Variants in SH3TC1 observed in about 807,000 individuals in gnomAD.
SH3TC1 encodes SH3 domain and tetratricopeptide repeat-containing protein 1.
SH3TC1 carries 135 observed loss-of-function variants against 117.3 expected under a neutral mutation model. The observed-to-expected ratio is 1.15, with a 90% CI of 1.00 to 1.33. The LOEUF is 1.33. Among genes scored for constraint, SH3TC1 ranks in the 40% most tolerant of loss-of-function variants. The pLI, the probability that SH3TC1 is intolerant of heterozygous loss-of-function variation, is 0.00. For synonymous variants in SH3TC1, 898 were observed against 816.9 expected (o/e 1.10, Z -1.69); for missense variants, 2,092 against 1,794.3 (o/e 1.17, Z -3.00).
chr4:8,219,114 A>C (rs1719638987), intron 8 of SH3TC1, among the ~76,000 whole-genome samples: 2 of 152,090 alleles, frequency 1.3e-5, no homozygotes, highest in South Asian at 2.1e-4. Flanking sequence ...AACATCTCTG[A>C]GCCTCCATTT....
chr4:8,219,381 C>T lies in SH3TC1; in HGVS notation c.963C>T (p.Pro321=), dbSNP rs41266527. ...SALADFQGSG[P]EEMTFRGGDL... is the part of the protein sequence containing the mutation. ...TGGCAGACTTCCAGGGCTCGGGGCCCGAAGAGATGACCTTCCGAGGTGGCG... is the reference window on the plus strand; with the variant it reads ...TGGCAGACTTCCAGGGCTCGGGGCCTGAAGAGATGACCTTCCGAGGTGGCG... The change falls in exon 9 of 18, where the codon CCC becomes CCT. Residue 321 remains proline, a synonymous_variant. Coordinates refer to ENST00000245105, the MANE Select transcript of SH3TC1 (RefSeq NM_018986.5). The T allele has an allele frequency of 7.8e-3, 12,530 of 1,608,622 alleles. 79 individuals carry two copies. The highest frequency in any genetic ancestry group is 0.03 in the African/African-American group (2,252 of 74,934).
intron 2 of SH3TC1, among the ~76,000 whole-genome samples, chr4:8,208,996 C>T (rs1718430461): frequency 6.6e-6 from 1 of 152,202 alleles, no homozygotes; most frequent in African/African-American, 2.4e-5. Flanking sequence ...AGATGAAGTG[C>T]CCAGGCCAAG....
rs1720347179 is a variant in SH3TC1, at chr4:8,225,207, C to G, written c.1276C>G (p.Gln426Glu). ...SVEEAETEQP[Q>E]EKEIPPPCLS... is the part of the protein sequence containing the mutation. ...AGAGGAAGCTGAGACCGAGCAGCCG[C>G]AGGAAAAAGGTGGGTTTTGCCAGTG... The change falls in exon 11 of 18, where the codon CAG becomes GAG. Residue 426 changes from glutamine to glutamate, a missense_variant. By Grantham distance (29) the Gln-to-Glu change is conservative. Transcript: ENST00000245105. The surrounding 1 kb of genome is among the most constrained non-coding windows in gnomAD (Gnocchi z 5.5). 6.2e-7 allele frequency: 1 copy of G among 1,613,828 alleles called. No individual in the cohort carries two copies. The highest frequency in any genetic ancestry group is 8.5e-7 in the Non-Finnish European group (1 of 1,179,914).
In SH3TC1 at chr4:8,226,988, C is replaced by T. The variant is rs374375959; in HGVS notation, c.1294C>T (p.Pro432Ser). ...TEQPQEKEIP[P>S]PCLSLEPQET... ...GTTTTTGTGACTTGCAGAAATACCTCCACCTTGCCTGAGCCTGGAGCCACA... is the reference window on the plus strand; with the variant it reads ...GTTTTTGTGACTTGCAGAAATACCTTCACCTTGCCTGAGCCTGGAGCCACA... The change falls in exon 12 of 18, where the codon CCA becomes TCA. Residue 432 changes from proline to serine, a missense_variant. By Grantham distance (74) the Pro-to-Ser change is moderately conservative. Transcript: ENST00000245105. The T allele has an allele frequency of 2.7e-5, 41 of 1,540,796 alleles. No individual in the cohort carries two copies. The highest frequency in any genetic ancestry group is 3.5e-4 in the Middle Eastern group (2 of 5,720).
chr4:8,237,493 C>T lies in SH3TC1; in HGVS notation c.3576C>T (p.Arg1192=), dbSNP rs754249298. ...SITLGDRLNE[R]VAYHRLAALQ... ...CCCCAGGGGACCGGCTGAACGAGCG[C>T]GTGGCCTACCACCGGCTGGCCGCCC... Residue 1192 remains arginine, a synonymous_variant, in exon 17 of 18, where the codon CGC becomes CGT. Coordinates refer to ENST00000245105, the MANE Select transcript of SH3TC1 (RefSeq NM_018986.5). 9 of 1,595,094 alleles carry T rather than the reference C, an allele frequency of 5.6e-6. No homozygotes were observed. The highest frequency in any genetic ancestry group is 4.0e-5 in the African/African-American group (3 of 74,156).
In SH3TC1 at chr4:8,232,186, G is replaced by A. The variant is rs564398320; in HGVS notation, c.3131+30G>A. 1.1e-4 allele frequency: 48 copies of A among 424,608 alleles called. 1 individual carries two copies. The highest frequency in any genetic ancestry group is 5.8e-4 in the South Asian group (29 of 50,338). 26.3% of individuals were successfully genotyped at this position (424,608 alleles called of 1,614,324 possible). ...GGGCTGGCTCTGTGGTGGTGGGGGCGGGGGGAGGGGGCAAAGGGGGCGGCG... is the reference window on the plus strand; with the variant it reads ...GGGCTGGCTCTGTGGTGGTGGGGGCAGGGGGAGGGGGCAAAGGGGGCGGCG... On this transcript the variant is annotated intron_variant, in intron 13 of 17. Coordinates refer to ENST00000245105, the MANE Select transcript of SH3TC1 (RefSeq NM_018986.5).
intron 9 of SH3TC1, among the ~76,000 whole-genome samples, chr4:8,222,442 C>T (rs1288450642): frequency 3.5e-5 from 5 of 142,378 alleles, no homozygotes; most frequent in African/African-American, 7.9e-5. Context: ...GGTGTGAACT[C>T]GGCTCACTGC....
At position 8,190,029 on chromosome 4, in the gene SH3TC1, G is replaced by A. The variant is rs763060491; in HGVS notation, c.-57+7819G>A. 5.3e-5 allele frequency among the ~76,000 whole-genome samples: 8 copies of A among 152,188 alleles called. No individual in the cohort carries two copies. Among genetic ancestry groups the A allele is most frequent in the Middle Eastern group, 3.2e-3 (1 of 316 alleles). On this transcript the variant is annotated intron_variant, in intron 1 of 16. Transcript: ENST00000508641. The surrounding 1 kb of genome is among the most constrained non-coding windows in gnomAD (Gnocchi z 4.7). Reference sequence around the variant, plus strand: ...GTGCCTGGGTAGTTTTGGGGAGCGCGGCGTGGGTGCGTTGATGCGAGGCCA... The same window carrying A: ...GTGCCTGGGTAGTTTTGGGGAGCGCAGCGTGGGTGCGTTGATGCGAGGCCA...
At position 8,183,247 on chromosome 4, in the gene SH3TC1, C is replaced by G. The variant is rs1358597882; in HGVS notation, c.-57+1037C>G. 1.3e-5 allele frequency among the ~76,000 whole-genome samples: 2 copies of G among 152,218 alleles called. No homozygotes were observed. Among genetic ancestry groups the G allele is most frequent in the Non-Finnish European group, 2.9e-5 (2 of 68,028 alleles). On this transcript the variant is annotated intron_variant, in intron 1 of 16. Transcript: ENST00000508641. The surrounding 1 kb of genome is among the most constrained non-coding windows in gnomAD (Gnocchi z 5.4). ...AGGAGCCCGTCCTCATCCTCCCCCTCGTTTACAGAGGAAGGCCGGCGCTCA... is the reference window on the plus strand; with the variant it reads ...AGGAGCCCGTCCTCATCCTCCCCCTGGTTTACAGAGGAAGGCCGGCGCTCA...
At chr4:8,202,031 G>C (rs1311529566) in intron 1 of SH3TC1, among the ~76,000 whole-genome samples, 1 of 152,204 alleles carries the variant, frequency 6.6e-6, no homozygotes, top group African/African-American at 2.4e-5. Context: ...CAGGGAGCTC[G>C]CATGCCCAGG....
rs186048495 is a variant in SH3TC1 at position 8,206,355 on chromosome 4, C to G, written c.172+989C>G. ...TGGGGAGCCCACCTGGCCATGGAATCGCGTTCCCTCCAGGGCAGGCCTCAT... is the reference window on the plus strand; with the variant it reads ...TGGGGAGCCCACCTGGCCATGGAATGGCGTTCCCTCCAGGGCAGGCCTCAT... On this transcript the variant is annotated intron_variant, in intron 2 of 17. Transcript: ENST00000245105. This position sits in a 1 kb window ranked among gnomAD's most constrained non-coding sequence, Gnocchi z 5.5. 2.0e-5 allele frequency among the ~76,000 whole-genome samples: 3 copies of G among 152,048 alleles called. No individual in the cohort carries two copies. The South Asian group carries it at 6.2e-4, about 32-fold the overall frequency.
Position 8,206,943 on chromosome 4 carries a change from T to C in SH3TC1, c.172+1577T>C, listed in dbSNP as rs1718260309. 6.6e-6 allele frequency among the ~76,000 whole-genome samples: 1 copy of C among 151,978 alleles called. No individual in the cohort carries two copies. The highest frequency in any genetic ancestry group is 2.4e-5 in the African/African-American group (1 of 41,380). On this transcript the variant is annotated intron_variant, in intron 2 of 17. Coordinates refer to ENST00000245105, the MANE Select transcript of SH3TC1 (RefSeq NM_018986.5). This position sits in a 1 kb window ranked among gnomAD's most constrained non-coding sequence, Gnocchi z 5.5. ...CATCCTAAAAGGTGTCCATATTTCCTAAAACCAGTACATTCTCTTATATAA... is the reference window on the plus strand; with the variant it reads ...CATCCTAAAAGGTGTCCATATTTCCCAAAACCAGTACATTCTCTTATATAA...
intron 13 of SH3TC1, chr4:8,232,701 C>G: frequency 7.7e-7 from 1 of 1,290,328 alleles, no homozygotes. Flanking sequence ...GCCACCCCAC[C>G]CACAGGGCCC....
chr4:8,239,703 C>T (rs1722162569), intron 17 of SH3TC1, among the ~76,000 whole-genome samples: 1 of 152,226 alleles, frequency 6.6e-6, no homozygotes, highest in South Asian at 2.1e-4. Context: ...CTTCAGGAAG[C>T]CCTTGCCTCC....
rs755487015 is a variant in SH3TC1 at position 8,205,637 on chromosome 4, G to A, written c.172+271G>A. 4 of 766,788 alleles carry A rather than the reference G, an allele frequency of 5.2e-6. No homozygotes were observed. The highest frequency in any genetic ancestry group is 1.3e-5 in the South Asian group (1 of 74,548). 47.5% of individuals were successfully genotyped at this position (766,788 alleles called of 1,614,324 possible). On this transcript the variant is annotated intron_variant, in intron 2 of 17. Coordinates refer to ENST00000245105, the MANE Select transcript of SH3TC1 (RefSeq NM_018986.5). The surrounding 1 kb of genome is among the most constrained non-coding windows in gnomAD (Gnocchi z 5.4). ...CAAAACTGGCAAAGAACGAGGCAGG[G>A]GCCTTTGAACCCCCATGTTCAGAGA...
At chr4:8,232,935 C>T (rs568608713) in intron 13 of SH3TC1, 48 of 1,193,420 alleles carry the variant, frequency 4.0e-5, no homozygotes, top group Non-Finnish European at 5.0e-5. Context: ...TAGGGCCCGC[C>T]CCAGGCCCGT....
chr4:8,224,746 T>G, intron 10 of SH3TC1: 1 of 177,052 alleles, frequency 5.6e-6, no homozygotes, highest in South Asian at 1.4e-4. Flanking sequence ...GCTGTCGGAC[T>G]CAGAGCTGCT....
chr4:8,240,874 G>A lies in SH3TC1; in HGVS notation c.3930G>A (p.Glu1310=). 1 of 1,613,600 alleles carries A rather than the reference G, an allele frequency of 6.2e-7. No homozygotes were observed. Among genetic ancestry groups the A allele is most frequent in the South Asian group, 1.1e-5 (1 of 91,090 alleles). ...AGAAGGCCAGGACCTTCGCCACAGA[G>A]CTCAACGTCCGCAGGGTCAACCTGC... ...FYQKARTFAT[E]LNVRRVNLPP... The change falls in exon 18 of 18, where the codon GAG becomes GAA. Residue 1310 remains glutamate (E), a synonymous_variant. Coordinates refer to ENST00000245105, the MANE Select transcript of SH3TC1 (RefSeq NM_018986.5).
chr4:8,235,294 C>T (rs1317383963), intron 14 of SH3TC1, 139 bp from the exon 15 acceptor site: 1 of 1,083,444 alleles, frequency 9.2e-7, no homozygotes, highest in Non-Finnish European at 1.2e-6. Flanking sequence ...GGGGGCGGCC[C>T]TAATGCACAG....
Sources: gnomAD v4.1 joint callset for allele counts (sites outside exome capture counted in the v4.1 genomes callset) on GRCh38, gnomAD v4.1.1 for gene constraint, Gnocchi (gnomAD v3.1) non-coding constraint, MANE v1.5 for transcripts, NCBI Gene and HGNC (gene_info 2026-07-23, HGNC 2026-07-21) for gene names.